The following KCNIP4 variants were observed in gnomAD, a reference collection of about 807,000 sequenced individuals.
The protein encoded by KCNIP4 is potassium voltage-gated channel interacting protein 4, also known as Kv channel-interacting protein 4.
Under a neutral mutation model 34.0 loss-of-function variants are expected in KCNIP4, and 12 were observed. That is an observed-to-expected ratio of 0.35 (90% CI 0.23 to 0.57). The LOEUF is 0.57. KCNIP4 is among the 20% of genes least tolerant of loss of function. The pLI, the probability that KCNIP4 is intolerant of heterozygous loss-of-function variation, is 0.83. For synonymous variants in KCNIP4, 124 were observed against 102.2 expected (o/e 1.21, Z -1.29); for missense variants, 238 against 311.7 (o/e 0.76, Z 1.78).
intron 1 of KCNIP4, among the ~76,000 whole-genome samples, chr4:21,785,619 T>TA (rs1302125392): frequency 8.2e-6 from 1 of 122,468 alleles, no homozygotes; most frequent in Non-Finnish European, 1.6e-5. Flanking sequence ...ATAAATAAAA[T>TA]AAAAAAATAA....
At chr4:20,862,877 C>T (rs946081201) in intron 2 of KCNIP4, among the ~76,000 whole-genome samples, 10 of 152,114 alleles carry the variant, frequency 6.6e-5, no homozygotes, top group African/African-American at 2.4e-4. Flanking sequence ...AACAGACAAC[C>T]AAATACCGCA....
intron 1 of KCNIP4, among the ~76,000 whole-genome samples, chr4:21,922,093 C>A (rs1381130114): frequency 2.6e-5 from 4 of 152,186 alleles, no homozygotes; most frequent in Non-Finnish European, 4.4e-5. Context: ...GCTTTGGAGT[C>A]TTTGCATGAG....
intron 1 of KCNIP4, among the ~76,000 whole-genome samples, chr4:21,243,827 G>C (rs977183177): frequency 6.6e-6 from 1 of 152,138 alleles, no homozygotes; most frequent in Non-Finnish European, 1.5e-5. Context: ...TTTCTTGAGA[G>C]AGCATATTGC....
At chr4:21,751,134 A>G (rs1011145736) in intron 1 of KCNIP4, among the ~76,000 whole-genome samples, 1 of 152,160 alleles carries the variant, frequency 6.6e-6, no homozygotes. Context: ...CTCTCAGCCA[A>G]ATCCAAAGAC....
At chr4:21,406,443 C>T (rs1215274672) in intron 1 of KCNIP4, among the ~76,000 whole-genome samples, 1 of 152,168 alleles carries the variant, frequency 6.6e-6, no homozygotes, top group Non-Finnish European at 1.5e-5. Context: ...CACTGTGTTC[C>T]TCACCATCAC....
intron 5 of KCNIP4, among the ~76,000 whole-genome samples, chr4:20,748,344 G>A (rs535493993): frequency 6.6e-6 from 1 of 151,904 alleles, no homozygotes; most frequent in South Asian, 2.1e-4. Flanking sequence ...CCCATTCCAA[G>A]CCTTTGTTCT....
At chr4:21,455,061 G>T (rs987123124) in intron 1 of KCNIP4, among the ~76,000 whole-genome samples, 1 of 152,020 alleles carries the variant, frequency 6.6e-6, no homozygotes, top group African/African-American at 2.4e-5. Flanking sequence ...TGCCAACCTG[G>T]CAGTAGGCTT....
chr4:20,856,856 G>C (rs1721632168), intron 2 of KCNIP4, among the ~76,000 whole-genome samples: 1 of 152,086 alleles, frequency 6.6e-6, no homozygotes, highest in Non-Finnish European at 1.5e-5. Flanking sequence ...TCTAGACCTA[G>C]TGACCCTCAC....
intron 1 of KCNIP4, among the ~76,000 whole-genome samples, chr4:21,757,303 A>C (rs13143578): frequency 0.065 from 9,623 of 148,558 alleles, 526 homozygotes; most frequent in Middle Eastern, 0.14. Context: ...AGAAAAGAAA[A>C]GAGAAAAGAA....
intron 1 of KCNIP4, among the ~76,000 whole-genome samples, chr4:21,421,742 T>C (rs935132505): frequency 7.9e-5 from 12 of 152,212 alleles, no homozygotes; most frequent in African/African-American, 2.9e-4. Context: ...AAAAAGACCA[T>C]AAATGTTCTA....
At chr4:21,144,600 C>A (rs1348976793) in intron 1 of KCNIP4, among the ~76,000 whole-genome samples, 1 of 152,164 alleles carries the variant, frequency 6.6e-6, no homozygotes, top group African/African-American at 2.4e-5. Flanking sequence ...ATTTGGCATA[C>A]TGGAATATAA....
At chr4:21,946,867 T>C (rs12509508) in intron 1 of KCNIP4, among the ~76,000 whole-genome samples, 40,654 of 152,072 alleles carry the variant, frequency 0.27, 6,172 homozygotes, top group South Asian at 0.35. Flanking sequence ...GGTTTGCTTT[T>C]TTAAATGTAT....
intron 1 of KCNIP4, among the ~76,000 whole-genome samples, chr4:21,581,279 T>C (rs1416671133): frequency 2.0e-5 from 3 of 152,038 alleles, no homozygotes; most frequent in Non-Finnish European, 4.4e-5. Context: ...AATTCACAGT[T>C]CTACATTTAA....
chr4:21,105,607 C>A (rs540827844), intron 1 of KCNIP4, among the ~76,000 whole-genome samples: 13 of 151,754 alleles, frequency 8.6e-5, no homozygotes, highest in African/African-American at 3.2e-4. Flanking sequence ...TGCCTAATTG[C>A]CCTGGCCAGA....
chr4:21,554,287 C>A (rs1430890001), intron 1 of KCNIP4, among the ~76,000 whole-genome samples: 1 of 152,038 alleles, frequency 6.6e-6, no homozygotes, highest in African/African-American at 2.4e-5. Context: ...GGTGGCACAG[C>A]AAGTGAGCAG....
chr4:21,733,451 G>A (rs987523786), intron 1 of KCNIP4, among the ~76,000 whole-genome samples: 4 of 152,104 alleles, frequency 2.6e-5, no homozygotes, highest in Admixed American at 1.3e-4. Flanking sequence ...ACACATATAC[G>A]CACCATGGCA....
At chr4:21,137,537 T>C (rs1320696905) in intron 1 of KCNIP4, among the ~76,000 whole-genome samples, 1 of 152,192 alleles carries the variant, frequency 6.6e-6, no homozygotes, top group African/African-American at 2.4e-5. Context: ...ATTAGTAAAC[T>C]CTTTTAGCAT....
At chr4:21,700,966 A>G (rs1016739244) in intron 1 of KCNIP4, among the ~76,000 whole-genome samples, 2 of 152,174 alleles carry the variant, frequency 1.3e-5, no homozygotes, top group African/African-American at 4.8e-5. Context: ...TGTTCATTTC[A>G]TCATGATTCA....
chr4:20,987,779 C>T (rs1736708572), intron 1 of KCNIP4, among the ~76,000 whole-genome samples: 1 of 151,724 alleles, frequency 6.6e-6, no homozygotes, highest in Non-Finnish European at 1.5e-5. Context: ...GCAGGCGGAT[C>T]ACGAGGTCAG....
Sources: allele counts gnomAD v4.1 joint callset (sites outside exome capture counted in the v4.1 genomes callset), GRCh38; gene constraint gnomAD v4.1.1; transcripts MANE v1.5; gene names NCBI Gene and HGNC (gene_info 2026-07-23, HGNC 2026-07-21).